The following KCTD8 variants were observed in gnomAD, a reference collection of about 807,000 sequenced individuals.
The protein encoded by KCTD8 is potassium channel tetramerization domain containing 8.
A neutral mutation model predicts 31.5 loss-of-function variants in KCTD8; 27 were observed. The observed-to-expected ratio is 0.86, with a 90% CI of 0.63 to 1.18. The LOEUF is 1.18. Ranked by LOEUF, KCTD8 falls within the 50% of genes most tolerant of loss-of-function variation. The pLI, the probability that KCTD8 is intolerant of heterozygous loss-of-function variation, is 0.00. For missense variants in KCTD8, 658 were observed against 647.7 expected (o/e 1.02, Z -0.17); for synonymous variants, 290 against 280.0 (o/e 1.04, Z -0.36).
chr4:44,438,978 C>G (rs1472737017), intron 1 of KCTD8, among the ~76,000 whole-genome samples: 1 of 152,044 alleles, frequency 6.6e-6, no homozygotes, highest in African/African-American at 2.4e-5. Flanking sequence ...AATTATTTTC[C>G]CAAGATCTTA....
chr4:44,264,534 G>A (rs773046550), intron 1 of KCTD8, among the ~76,000 whole-genome samples: 6 of 152,174 alleles, frequency 3.9e-5, no homozygotes, highest in Non-Finnish European at 7.3e-5. Flanking sequence ...GACAGTGGGC[G>A]CAGGACAGCG....
At chr4:44,391,092 T>C (rs954281025) in intron 1 of KCTD8, among the ~76,000 whole-genome samples, 3 of 151,822 alleles carry the variant, frequency 2.0e-5, no homozygotes, top group Non-Finnish European at 2.9e-5. Flanking sequence ...AAACCAAACA[T>C]TGTATGTCCT....
chr4:44,176,146 T>G lies in KCTD8; in HGVS notation c.962-896A>C, dbSNP rs377349222. Among the ~76,000 whole-genome samples, 7 of 152,202 alleles carry G rather than the reference T, an allele frequency of 4.6e-5. No homozygotes were observed. In the East Asian group the frequency reaches 7.7e-4, roughly 17 times the overall value. On this transcript the variant is annotated intron_variant, in intron 1 of 1. Transcript: ENST00000360029. ...CCTTCATTAAATGGAGCCCAACAATTCAGAGATCTAAATTACTCAACTCTT... is the reference window on the plus strand; with the variant it reads ...CCTTCATTAAATGGAGCCCAACAATGCAGAGATCTAAATTACTCAACTCTT...
chr4:44,406,716 C>A (rs542986305), intron 1 of KCTD8, among the ~76,000 whole-genome samples: 1 of 152,176 alleles, frequency 6.6e-6, no homozygotes, highest in Admixed American at 6.5e-5. Context: ...ATAGGAATGA[C>A]AACCTTGACC....
chr4:44,384,988 A>C (rs1225754438), intron 1 of KCTD8, among the ~76,000 whole-genome samples: 3 of 135,050 alleles, frequency 2.2e-5, no homozygotes, highest in African/African-American at 1.1e-4. Context: ...ATATAGACCA[A>C]AAAAAAAGAA....
At chr4:44,393,900 T>A (rs1720434503) in intron 1 of KCTD8, among the ~76,000 whole-genome samples, 1 of 151,784 alleles carries the variant, frequency 6.6e-6, no homozygotes, top group Non-Finnish European at 1.5e-5. Context: ...AAATATAAAA[T>A]AAAAGTAAAT....
intron 1 of KCTD8, among the ~76,000 whole-genome samples, chr4:44,424,723 G>T (rs1020314462): frequency 6.6e-6 from 1 of 151,980 alleles, no homozygotes; most frequent in South Asian, 2.1e-4. Context: ...CTAAAAATAT[G>T]AACTCTAAAC....
chr4:44,308,524 T>G (rs1290346758), intron 1 of KCTD8, among the ~76,000 whole-genome samples: 1 of 152,010 alleles, frequency 6.6e-6, no homozygotes, highest in Non-Finnish European at 1.5e-5. Flanking sequence ...TATTTGAAGA[T>G]CTATATGATT....
At chr4:44,338,183 A>G (rs1718806012) in intron 1 of KCTD8, among the ~76,000 whole-genome samples, 1 of 152,090 alleles carries the variant, frequency 6.6e-6, no homozygotes, top group Non-Finnish European at 1.5e-5. Context: ...GATGATGTGT[A>G]TTTTCTTATT....
At chr4:44,276,761 G>A (rs1716762236) in intron 1 of KCTD8, among the ~76,000 whole-genome samples, 1 of 151,842 alleles carries the variant, frequency 6.6e-6, no homozygotes, top group African/African-American at 2.4e-5. Context: ...CTTAAATAAA[G>A]TTCACATTTA....
intron 1 of KCTD8, among the ~76,000 whole-genome samples, chr4:44,184,759 A>G (rs1474854401): frequency 2.0e-5 from 3 of 152,198 alleles, no homozygotes; most frequent in Non-Finnish European, 4.4e-5. Flanking sequence ...AGCGTTTACC[A>G]TCTTTCAGGT....
chr4:44,191,593 C>G (rs994373376), intron 1 of KCTD8, among the ~76,000 whole-genome samples: 3 of 152,078 alleles, frequency 2.0e-5, no homozygotes, highest in African/African-American at 7.2e-5. Context: ...TAAACAGCCT[C>G]TCTGGGAGTG....
intron 1 of KCTD8, among the ~76,000 whole-genome samples, chr4:44,396,454 G>GTT (rs112458092): frequency 8.5e-4 from 127 of 149,400 alleles, no homozygotes; most frequent in Non-Finnish European, 1.3e-3. Flanking sequence ...AAGGAAAGTT[G>GTT]TTTTTTTTTT....
At chr4:44,382,281 A>G (rs1720084153) in intron 1 of KCTD8, among the ~76,000 whole-genome samples, 1 of 152,072 alleles carries the variant, frequency 6.6e-6, no homozygotes, top group Non-Finnish European at 1.5e-5. Flanking sequence ...TAGAGAAAAC[A>G]CATTTGAAAA....
At chr4:44,371,599 G>GA (rs942678148) in intron 1 of KCTD8, among the ~76,000 whole-genome samples, 8 of 152,044 alleles carry the variant, frequency 5.3e-5, no homozygotes, top group Non-Finnish European at 1.2e-4. Flanking sequence ...AATATTAAAT[G>GA]AAAAAAGCAG....
At chr4:44,203,453 G>T (rs1714208654) in intron 1 of KCTD8, among the ~76,000 whole-genome samples, 1 of 140,810 alleles carries the variant, frequency 7.1e-6, no homozygotes, top group Non-Finnish European at 1.5e-5. Flanking sequence ...TCGTGCCATT[G>T]TACTCCAGCC....
chr4:44,397,289 T>A (rs1055828014), intron 1 of KCTD8, among the ~76,000 whole-genome samples: 1 of 152,210 alleles, frequency 6.6e-6, no homozygotes, highest in African/African-American at 2.4e-5. Flanking sequence ...TATTGATTTA[T>A]AAGTTCCTTG....
Position 44,447,612 on chromosome 4 carries a change from C to G in KCTD8, c.912G>C (p.Gln304His). The G allele has an allele frequency of 6.2e-7, 1 of 1,604,854 alleles. No homozygotes were observed. The highest frequency in any genetic ancestry group is 8.5e-7 in the Non-Finnish European group (1 of 1,175,948). The change falls in exon 1 of 2, where the codon CAG becomes CAC. Residue 304 changes from glutamine to histidine, a missense_variant. By Grantham distance (24) the Gln-to-His change is conservative. Coordinates refer to ENST00000360029, the MANE Select transcript of KCTD8 (RefSeq NM_198353.3). ...TGCTCCAGATCTTGTCGTCGCGGTA[C>G]TGGTTGACGAAGGCGGCGGTGCCCG... ...NSSGTAAFVN[Q>H]YRDDKIWSSY... is the part of the protein sequence containing the mutation.
chr4:44,176,981 T>A (rs1360571096), intron 1 of KCTD8, among the ~76,000 whole-genome samples: 2 of 152,172 alleles, frequency 1.3e-5, no homozygotes, highest in Non-Finnish European at 2.9e-5. Context: ...TGCTTATAAT[T>A]GCTTAGTAAG....
Sources: allele counts gnomAD v4.1 joint callset (sites outside exome capture counted in the v4.1 genomes callset), GRCh38; gene constraint gnomAD v4.1.1; transcripts MANE v1.5; gene names NCBI Gene and HGNC (gene_info 2026-07-23, HGNC 2026-07-21).